TBC1D5: variants seen among roughly 807,000 people sequenced by gnomAD.
The protein encoded by TBC1D5 is TBC1 domain family member 5.
A neutral mutation model predicts 100.3 loss-of-function variants in TBC1D5; 75 were observed. The ratio of observed to expected loss-of-function variants is 0.75; its 90% CI spans 0.62 to 0.91. The LOEUF (loss-of-function observed/expected upper bound fraction) is 0.91, where lower values mean the gene tolerates loss of function less well. TBC1D5 is among the 40% of genes least tolerant of loss of function. The pLI is 0.00. For synonymous variants in TBC1D5, 323 were observed against 325.6 expected (o/e 0.99, Z 0.09); for missense variants, 910 against 942.4 (o/e 0.97, Z 0.45).
At chr3:17,488,467 G>C (rs1226656799) in intron 3 of TBC1D5, among the ~76,000 whole-genome samples, 1 of 152,142 alleles carries the variant, frequency 6.6e-6, no homozygotes, top group Non-Finnish European at 1.5e-5. Flanking sequence ...ATAGACGTAA[G>C]TTTTCAACAC....
At chr3:17,669,233 C>T (rs764201829) in intron 1 of TBC1D5, among the ~76,000 whole-genome samples, 22 of 152,162 alleles carry the variant, frequency 1.4e-4, no homozygotes, top group Non-Finnish European at 2.9e-4. Flanking sequence ...TTTGCTTCCC[C>T]TTCCACCATG....
At chr3:17,238,743 G>T (rs1447126061) in intron 16 of TBC1D5, among the ~76,000 whole-genome samples, 1 of 152,086 alleles carries the variant, frequency 6.6e-6, no homozygotes, top group African/African-American at 2.4e-5. Flanking sequence ...TAGAGAAGAA[G>T]TATATTAATC....
At chr3:17,311,287 TG>T (rs1169816091) in intron 13 of TBC1D5, among the ~76,000 whole-genome samples, 4 of 152,076 alleles carry the variant, frequency 2.6e-5, no homozygotes, top group Non-Finnish European at 5.9e-5. Context: ...ACCTGCAGAC[TG>T]CCATGCTCAT....
At chr3:17,530,784 C>T (rs1017964510) in intron 2 of TBC1D5, among the ~76,000 whole-genome samples, 1 of 152,102 alleles carries the variant, frequency 6.6e-6, no homozygotes, top group Non-Finnish European at 1.5e-5. Flanking sequence ...AATTCAACAA[C>T]CCTTCATGCT....
intron 8 of TBC1D5, among the ~76,000 whole-genome samples, chr3:17,393,349 C>G (rs1230319147): frequency 1.3e-5 from 2 of 152,082 alleles, no homozygotes; most frequent in Non-Finnish European, 2.9e-5. Context: ...GAAAAACATT[C>G]TATACTCATG....
At chr3:17,559,979 C>A (rs1179530858) in intron 2 of TBC1D5, among the ~76,000 whole-genome samples, 2 of 152,048 alleles carry the variant, frequency 1.3e-5, no homozygotes, top group Non-Finnish European at 2.9e-5. Flanking sequence ...AACAAAAACA[C>A]TATATAACAT....
intron 13 of TBC1D5, among the ~76,000 whole-genome samples, chr3:17,354,289 A>G (rs554321223): frequency 2.0e-5 from 3 of 152,108 alleles, no homozygotes; most frequent in Non-Finnish European, 2.9e-5. Context: ...ATTCTTACCC[A>G]TTTGAGGAGT....
chr3:17,638,518 A>C (rs1244173380), intron 1 of TBC1D5, among the ~76,000 whole-genome samples: 4 of 152,118 alleles, frequency 2.6e-5, no homozygotes, highest in African/African-American at 4.8e-5. Flanking sequence ...AATGGAACTG[A>C]CTTAGGAAAA....
chr3:17,480,927 C>T (rs1158601333), intron 3 of TBC1D5, among the ~76,000 whole-genome samples: 2 of 152,196 alleles, frequency 1.3e-5, no homozygotes, highest in African/African-American at 2.4e-5. Flanking sequence ...AATGGCAAGA[C>T]TAAAAGAGCT....
intron 9 of TBC1D5, among the ~76,000 whole-genome samples, chr3:17,377,448 G>A (rs1200649893): frequency 4.6e-5 from 7 of 151,946 alleles, no homozygotes; most frequent in East Asian, 1.9e-4. Flanking sequence ...CTTAAGCATC[G>A]AAAAACATTT....
intron 2 of TBC1D5, among the ~76,000 whole-genome samples, chr3:17,588,932 C>T (rs1203781978): frequency 6.6e-6 from 1 of 152,108 alleles, no homozygotes; most frequent in African/African-American, 2.4e-5. Flanking sequence ...TCCATGATTT[C>T]TTGTCTTAAC....
chr3:17,424,748 A>C (rs192805799), intron 4 of TBC1D5, among the ~76,000 whole-genome samples: 1 of 152,310 alleles, frequency 6.6e-6, no homozygotes, highest in Admixed American at 6.5e-5. Context: ...GCAAGATCAA[A>C]AGAAGATATA....
chr3:17,718,431 A>C (rs1270778467), intron 1 of TBC1D5, among the ~76,000 whole-genome samples: 1 of 152,100 alleles, frequency 6.6e-6, no homozygotes, highest in Admixed American at 6.5e-5. Flanking sequence ...CCCCGTCTCT[A>C]CCAAAAATAC....
At chr3:17,609,083 C>T (rs142090691) in intron 2 of TBC1D5, among the ~76,000 whole-genome samples, 6 of 152,200 alleles carry the variant, frequency 3.9e-5, no homozygotes, top group Non-Finnish European at 5.9e-5. Context: ...TGTTTATGCA[C>T]ACCATTCCAT....
At chr3:17,611,302 G>A (rs528220457) in intron 2 of TBC1D5, among the ~76,000 whole-genome samples, 1 of 152,228 alleles carries the variant, frequency 6.6e-6, no homozygotes, top group East Asian at 1.9e-4. Context: ...GTTGACTAGA[G>A]ATGTCACTCT....
At chr3:17,529,412 C>A (rs182588909) in intron 2 of TBC1D5, among the ~76,000 whole-genome samples, 1,836 of 152,208 alleles carry the variant, frequency 0.012, 22 homozygotes, top group Non-Finnish European at 0.019. Flanking sequence ...CCCACCACCA[C>A]TAGATTAGTT....
rs778347210 is a variant in TBC1D5 at position 17,601,915 on chromosome 3, C to G, written c.-36+21934G>C. On this transcript the variant is annotated intron_variant, in intron 2 of 21. Coordinates refer to ENST00000253692, the Ensembl canonical transcript of TBC1D5. Reference sequence around the variant, plus strand: ...CGCGATCTCGGCTCACTGCAAGCTCCGTCTCCCAGGTTCACGCCATTCTCC... The same window carrying G: ...CGCGATCTCGGCTCACTGCAAGCTCGGTCTCCCAGGTTCACGCCATTCTCC... Among the ~76,000 whole-genome samples the G allele has an allele frequency of 2.0e-5, 3 of 152,014 alleles. No individual in the cohort carries two copies. The South Asian group carries it at 6.2e-4, about 32-fold the overall frequency.
At position 17,486,188 on chromosome 3, in the gene TBC1D5, TG is replaced by T. The variant is rs1202646649; in HGVS notation, c.97+22285del. On this transcript the variant is annotated intron_variant, in intron 3 of 21. Coordinates refer to ENST00000253692, the Ensembl canonical transcript of TBC1D5. The stretch of plus-strand genomic sequence containing the variant: ...TCCTTTGCCCACTTTTTGATGGGGT[TG>T]TTTTTTTCTTGTAAATTTGTTTGAG... Among the ~76,000 whole-genome samples the T allele has an allele frequency of 2.6e-5, 4 of 152,180 alleles. No individual in the cohort carries two copies. In the East Asian group the frequency reaches 7.7e-4, roughly 29 times the overall value.
Position 17,332,653 on chromosome 3 carries a change from C to G in TBC1D5, c.996-24519G>C, listed in dbSNP as rs999567053. Among the ~76,000 whole-genome samples the G allele has an allele frequency of 3.3e-5, 5 of 151,222 alleles. No individual in the cohort carries two copies. The East Asian group carries it at 9.8e-4, about 30-fold the overall frequency. On this transcript the variant is annotated intron_variant, in intron 13 of 21. Coordinates refer to ENST00000253692, the Ensembl canonical transcript of TBC1D5. ...ATTAATAAAGGAGATTGAGAAGAAA[C>G]AGCCAGTGGAAGTAGGGGGAAAATT... is the stretch of plus-strand genomic sequence containing the variant.
Sources: gnomAD v4.1 joint callset for allele counts (sites outside exome capture counted in the v4.1 genomes callset) on GRCh38, gnomAD v4.1.1 for gene constraint, MANE v1.5 for transcripts, NCBI Gene and HGNC (gene_info 2026-07-23, HGNC 2026-07-21) for gene names.